Variants in MAST4 observed in about 807,000 individuals in gnomAD.
The protein encoded by MAST4 is microtubule-associated serine/threonine-protein kinase 4.
A neutral mutation model predicts 162.7 loss-of-function variants in MAST4; 89 were observed. The ratio of observed to expected loss-of-function variants is 0.55; its 90% CI spans 0.46 to 0.65. The LOEUF is 0.65. MAST4 is among the 30% of genes least tolerant of loss of function. The pLI is 0.00. For missense variants in MAST4, 3,153 were observed against 3,374.0 expected, an observed-to-expected ratio of 0.93 and a Z score of 1.62; for synonymous variants, 1,479 against 1,361.1, an observed-to-expected ratio of 1.09 and a Z score of -1.91.
rs1365415392 is a variant in MAST4, at chr5:66,959,005, G to A, written c.674+59023G>A. ...AACCAATTACTTGATATGCAGAGCT[G>A]CAAGCCTCGTTCCTTTAACAAAATC... On this transcript the variant is annotated intron_variant, in intron 4 of 28. Transcript: ENST00000403625. 1.9e-5 allele frequency: 9 copies of A among 463,768 alleles called. No homozygotes were observed. The East Asian group carries it at 2.4e-4, about 12-fold the overall frequency. 28.7% of individuals were successfully genotyped at this position (463,768 alleles called of 1,614,324 possible).
intron 1 of MAST4, among the ~76,000 whole-genome samples, chr5:66,722,933 G>A (rs1751305655): frequency 6.6e-6 from 1 of 152,126 alleles, no homozygotes; most frequent in East Asian, 1.9e-4. Context: ...CTGAATCAAG[G>A]AAGTGGTGGA....
chr5:66,612,847 GTCT>G (rs1743383442), intron 1 of MAST4, among the ~76,000 whole-genome samples: 1 of 152,088 alleles, frequency 6.6e-6, no homozygotes, highest in East Asian at 1.9e-4. Flanking sequence ...CAGTCTTAAA[GTCT>G]TCTGCTTTTC....
chr5:66,810,483 A>G (rs1198501844), intron 3 of MAST4, among the ~76,000 whole-genome samples: 1 of 152,198 alleles, frequency 6.6e-6, no homozygotes, highest in East Asian at 1.9e-4. Flanking sequence ...AGAGTGGCAC[A>G]CATCTACCCA....
At chr5:67,047,864 A>G (rs1757568575) in intron 4 of MAST4, among the ~76,000 whole-genome samples, 1 of 152,178 alleles carries the variant, frequency 6.6e-6, no homozygotes, top group African/African-American at 2.4e-5. Context: ...CTAAGGAGGA[A>G]TAGTGCTTAT....
At chr5:66,853,414 A>T (rs1477492699) in intron 3 of MAST4, among the ~76,000 whole-genome samples, 3 of 152,188 alleles carry the variant, frequency 2.0e-5, no homozygotes, top group African/African-American at 7.2e-5. Flanking sequence ...TGGTATTTTT[A>T]AAAATAAATA....
chr5:66,632,565 G>A (rs983200221), intron 1 of MAST4, among the ~76,000 whole-genome samples: 9 of 152,154 alleles, frequency 5.9e-5, no homozygotes, highest in Admixed American at 5.9e-4. Context: ...TCTGCACACT[G>A]TCTGCAACCT....
chr5:66,783,399 A>G (rs945844214), intron 2 of MAST4: 2 of 152,236 alleles, frequency 1.3e-5, no homozygotes, highest in African/African-American at 4.8e-5. Flanking sequence ...GGAGAAGTTC[A>G]TGTTATAAGT....
chr5:67,056,639 A>G (rs763651662), intron 5 of MAST4, among the ~76,000 whole-genome samples: 1 of 152,178 alleles, frequency 6.6e-6, no homozygotes, highest in Non-Finnish European at 1.5e-5. Context: ...TTCAACATTA[A>G]TATAGAATTT....
chr5:67,051,857 T>C (rs891797600), intron 4 of MAST4, among the ~76,000 whole-genome samples: 7 of 152,230 alleles, frequency 4.6e-5, no homozygotes, highest in African/African-American at 1.7e-4. Context: ...CTATATTATA[T>C]AAACACTGGC....
chr5:66,793,498 A>G (rs1433707891), intron 3 of MAST4, among the ~76,000 whole-genome samples: 1 of 152,218 alleles, frequency 6.6e-6, no homozygotes, highest in African/African-American at 2.4e-5. Context: ...CTTTCTGGCA[A>G]GAAAGATGGA....
intron 1 of MAST4, among the ~76,000 whole-genome samples, chr5:66,758,595 T>C (rs1464964301): frequency 6.6e-6 from 1 of 152,030 alleles, no homozygotes; most frequent in Non-Finnish European, 1.5e-5. Context: ...GCAATGACTT[T>C]GAATATGATG....
chr5:66,824,185 A>AGT (rs2149739538), intron 3 of MAST4, among the ~76,000 whole-genome samples: 1 of 152,328 alleles, frequency 6.6e-6, no homozygotes, highest in Admixed American at 6.5e-5. Flanking sequence ...CTTGTTGAGA[A>AGT]GTAGTGATCA....
At chr5:66,598,297 G>C (rs1398270913) in intron 1 of MAST4, among the ~76,000 whole-genome samples, 1 of 152,162 alleles carries the variant, frequency 6.6e-6, no homozygotes, top group African/African-American at 2.4e-5. Flanking sequence ...CTGCTTTCTA[G>C]AACTGCCTCT....
chr5:66,970,320 G>A (rs1747273591), intron 4 of MAST4, among the ~76,000 whole-genome samples: 1 of 152,204 alleles, frequency 6.6e-6, no homozygotes, highest in Non-Finnish European at 1.5e-5. Flanking sequence ...GCAGTAATGG[G>A]GAAGGGCAAG....
chr5:66,847,985 ATGT>A (rs1377486053), intron 3 of MAST4, among the ~76,000 whole-genome samples: 3 of 152,114 alleles, frequency 2.0e-5, no homozygotes, highest in African/African-American at 4.8e-5. Context: ...ACTGGATCAA[ATGT>A]TGTCCTAAGC....
rs193043986 is a variant in MAST4, at chr5:67,071,454, A to G, written c.763+16962A>G. 2.4e-4 allele frequency among the ~76,000 whole-genome samples: 37 copies of G among 152,262 alleles called. 1 individual carries two copies. The highest frequency in any genetic ancestry group is 1.4e-3 in the Admixed American group (22 of 15,298). ...TGGATCTTTCCTGGAAAAGTCACTTAAAGATATACAGAAGATGGCTGGGCG... is the reference window on the plus strand; with the variant it reads ...TGGATCTTTCCTGGAAAAGTCACTTGAAGATATACAGAAGATGGCTGGGCG... On this transcript the variant is annotated intron_variant, in intron 5 of 28. Transcript: ENST00000403625.
At chr5:66,805,141 T>G (rs1756123532) in intron 3 of MAST4, among the ~76,000 whole-genome samples, 1 of 152,214 alleles carries the variant, frequency 6.6e-6, no homozygotes, top group Non-Finnish European at 1.5e-5. Context: ...TTTAACCTGT[T>G]TGGAACTCAT....
At chr5:66,968,009 A>T (rs1746964180) in intron 4 of MAST4, among the ~76,000 whole-genome samples, 1 of 152,188 alleles carries the variant, frequency 6.6e-6, no homozygotes, top group Admixed American at 6.5e-5. Context: ...GCCAGCTCCT[A>T]ATCTGGACTG....
At chr5:66,973,312 T>A (rs1307219126) in intron 4 of MAST4, among the ~76,000 whole-genome samples, 3 of 151,940 alleles carry the variant, frequency 2.0e-5, no homozygotes, top group Admixed American at 2.0e-4. Flanking sequence ...TATGTCAGAA[T>A]CCAGTTAAAG....
Sources: allele counts gnomAD v4.1 joint callset (sites outside exome capture counted in the v4.1 genomes callset), GRCh38; gene constraint gnomAD v4.1.1; transcripts MANE v1.5; gene names NCBI Gene and HGNC (gene_info 2026-07-23, HGNC 2026-07-21).